Variants in TXLNB observed in about 807,000 individuals in gnomAD.
The protein encoded by TXLNB is taxilin beta, also known as beta-taxilin.
TXLNB carries 37 observed loss-of-function variants against 57.4 expected under a neutral mutation model. The observed-to-expected ratio is 0.64, with a 90% confidence interval of 0.50 to 0.85. The LOEUF is 0.85. TXLNB is among the 40% of genes least tolerant of loss of function. TXLNB has a pLI of 0.00. For missense variants in TXLNB, 848 were observed against 825.6 expected, an observed-to-expected ratio of 1.03 and a Z score of -0.33; for synonymous variants, 302 against 309.6, an observed-to-expected ratio of 0.98 and a Z score of 0.26.
chr6:139,286,662 G>A (rs2114634723), intron 2 of TXLNB, among the ~76,000 whole-genome samples: 1 of 152,302 alleles, frequency 6.6e-6, no homozygotes, highest in African/African-American at 2.4e-5. Context: ...ATCTGTATTT[G>A]CAGCTGCTCC....
intron 4 of TXLNB, chr6:139,268,984 C>T (rs1029878961): frequency 2.0e-5 from 3 of 152,128 alleles, no homozygotes; most frequent in Admixed American, 1.3e-4. Flanking sequence ...ACTGCAGGCT[C>T]GAACTTCTGG....
At chr6:139,301,227 T>C in the TXLNB span, among the ~76,000 whole-genome samples, 3 of 152,154 alleles carry the variant, frequency 2.0e-5, no homozygotes, top group African/African-American at 7.2e-5. Context: ...AAACTCCTAG[T>C]TGTCTTTCTC....
chr6:139,303,598 C>T, the TXLNB span, among the ~76,000 whole-genome samples: 1 of 151,890 alleles, frequency 6.6e-6, no homozygotes, highest in Non-Finnish European at 1.5e-5. Context: ...AGCATCTTGG[C>T]ACTCTTAGGC....
Position 139,247,831 on chromosome 6 carries a change from G to C in TXLNB, c.1156C>G (p.Gln386Glu). 1 of 1,603,888 alleles carries C rather than the reference G, an allele frequency of 6.2e-7. No homozygotes were observed. The highest frequency in any genetic ancestry group is 8.5e-7 in the Non-Finnish European group (1 of 1,174,832). The change falls in exon 8 of 10, where the codon CAG becomes GAG. Residue 386 changes from glutamine (Q) to glutamate (E), a missense_variant. Transcript: ENST00000358430. ...GCAATACTCACTTTGTCCATTTCCT[G>C]TTTGAACGTGGCAAACACCTCGTTG... ...KSNEVFATFKQEMDKTTKKMK... is the reference protein window; with the variant it reads ...KSNEVFATFKEEMDKTTKKMK...
At chr6:139,173,321 C>CTAGT in the TXLNB span, among the ~76,000 whole-genome samples, 1 of 152,220 alleles carries the variant, frequency 6.6e-6, no homozygotes, top group Admixed American at 6.5e-5. Flanking sequence ...AGACACTGTG[C>CTAGT]TAGTCACTGA....
At position 139,286,029 on chromosome 6, in the gene TXLNB, C is replaced by T. The variant is rs545660744; in HGVS notation, c.424+2447G>A. ...TTTCTATTTCTTATCTTTCAGTGGC[C>T]TTGTCATATTTGTAGGGGAACTTTG... On this transcript the variant is annotated intron_variant, in intron 2 of 9. Coordinates refer to ENST00000358430, the MANE Select transcript of TXLNB (RefSeq NM_153235.4). Among the ~76,000 whole-genome samples, 3 of 151,932 alleles carry T rather than the reference C, an allele frequency of 2.0e-5. No individual in the cohort carries two copies. In the South Asian group the frequency reaches 6.3e-4, roughly 32 times the overall value.
chr6:139,167,381 C>A, the TXLNB span: 1 of 1,340,378 alleles, frequency 7.5e-7, no homozygotes, highest in Non-Finnish European at 1.0e-6. Context: ...AAACAACAAA[C>A]AAGACAGATT....
At chr6:139,256,915 A>G (rs954436759) in intron 6 of TXLNB, among the ~76,000 whole-genome samples, 1 of 152,252 alleles carries the variant, frequency 6.6e-6, no homozygotes, top group Non-Finnish European at 1.5e-5. Flanking sequence ...TTTGAGAAGT[A>G]TGGGTTAGAA....
chr6:139,206,099 T>G, the TXLNB span, among the ~76,000 whole-genome samples: 1 of 152,132 alleles, frequency 6.6e-6, no homozygotes, highest in African/African-American at 2.4e-5. Flanking sequence ...GAAGGAGAGA[T>G]AAAGTCTTTT....
chr6:139,160,329 G>A, the TXLNB span, among the ~76,000 whole-genome samples: 7 of 152,280 alleles, frequency 4.6e-5, no homozygotes, highest in Non-Finnish European at 5.9e-5. Flanking sequence ...AGATTAATGC[G>A]CCAAGGGAAG....
chr6:139,292,365 A>T (rs1777321321), upstream of TXLNB, among the ~76,000 whole-genome samples: 1 of 152,074 alleles, frequency 6.6e-6, no homozygotes, highest in South Asian at 2.1e-4. The surrounding 1 kb of genome is among the most constrained non-coding windows in gnomAD (Gnocchi z 4.0). Context: ...TTGGGTAGAG[A>T]TCAGTTTTTC....
the TXLNB span, among the ~76,000 whole-genome samples, chr6:139,176,088 G>A: frequency 6.6e-6 from 1 of 152,202 alleles, no homozygotes; most frequent in Non-Finnish European, 1.5e-5. This position sits in a 1 kb window ranked among gnomAD's most constrained non-coding sequence, Gnocchi z 4.5. Context: ...CACTTTTAAT[G>A]TTGTTCAGAG....
At chr6:139,255,528 G>GGACA (rs776494154) in intron 7 of TXLNB, 36 bp downstream of exon 7, 1 of 1,590,072 alleles carries the variant, frequency 6.3e-7, no homozygotes, top group Non-Finnish European at 8.6e-7. Context: ...GGGACAGTGA[G>GGACA]GACAGCACCC....
At chr6:139,252,891 T>C (rs1356569126) in intron 7 of TXLNB, among the ~76,000 whole-genome samples, 3 of 152,112 alleles carry the variant, frequency 2.0e-5, no homozygotes, top group Non-Finnish European at 4.4e-5. Flanking sequence ...CTCGGGAGGC[T>C]GAGGCAGGAG....
chr6:139,176,243 C>G, the TXLNB span, among the ~76,000 whole-genome samples: 2 of 152,218 alleles, frequency 1.3e-5, no homozygotes, highest in Non-Finnish European at 2.9e-5. The surrounding 1 kb of genome is among the most constrained non-coding windows in gnomAD (Gnocchi z 4.5). Flanking sequence ...TCACATGTGC[C>G]TCAGTTGCAT....
chr6:139,304,274 AAGGCATTTTCTGACACAAGG>A, the TXLNB span, among the ~76,000 whole-genome samples: 1 of 152,234 alleles, frequency 6.6e-6, no homozygotes, highest in Non-Finnish European at 1.5e-5. Context: ...ATATCAGTTA[AAGGCATTTTCTGACACAAGG>A]TGAGAATATC....
At chr6:139,321,899 TG>T in the TXLNB span, among the ~76,000 whole-genome samples, 1 of 152,234 alleles carries the variant, frequency 6.6e-6, no homozygotes, top group East Asian at 1.9e-4. Flanking sequence ...CCCAAAGTGC[TG>T]GGATTACAGG....
At chr6:139,234,483 A>C in the TXLNB span, 1 of 152,400 alleles carries the variant, frequency 6.6e-6, no homozygotes, top group Non-Finnish European at 1.5e-5. Context: ...CAGCTCCAGC[A>C]GTGGCTAAAA....
chr6:139,198,970 C>CATTT, the TXLNB span, among the ~76,000 whole-genome samples: 13 of 144,778 alleles, frequency 9.0e-5, no homozygotes, highest in African/African-American at 3.4e-4. Context: ...TTTCTTTCTT[C>CATTT]CTTTTTTTTT....
Sources: allele counts gnomAD v4.1 joint callset (sites outside exome capture counted in the v4.1 genomes callset), GRCh38; gene constraint gnomAD v4.1.1; non-coding constraint Gnocchi (gnomAD v3.1); transcripts MANE v1.5; gene names NCBI Gene and HGNC (gene_info 2026-07-23, HGNC 2026-07-21).